Variants in PPM1A observed in about 807,000 individuals in gnomAD.
PPM1A encodes protein phosphatase 1A.
Under a neutral mutation model 35.0 loss-of-function variants are expected in PPM1A, and 7 were observed. The observed-to-expected ratio is 0.20, with a 90% CI of 0.11 to 0.38. The LOEUF is 0.38. Among genes scored for constraint, PPM1A ranks in the 10% least tolerant of loss-of-function variants. The probability of loss-of-function intolerance (pLI) is 1.00; values close to 1 mark genes in which losing one functional copy is unlikely to be tolerated. For missense variants in PPM1A, 239 were observed against 467.8 expected, an observed-to-expected ratio of 0.51 and a Z score of 4.51; for synonymous variants, 153 against 167.3, an observed-to-expected ratio of 0.91 and a Z score of 0.66.
At chr14:60,248,399 T>C (rs962868192), upstream of PPM1A, among the ~76,000 whole-genome samples, 2 of 152,196 alleles carry the variant, frequency 1.3e-5, no homozygotes, top group African/African-American at 4.8e-5. Context: ...ATAAATACAA[T>C]GTGGAATCCC....
rs548322583 is a variant in PPM1A, at chr14:60,268,442, A to G, written c.-20-14242A>G. Reference sequence around the variant, plus strand: ...ATAAAATTCTATTTGTGAGGTGAGTATAGCCTGTTTGGCTTCTAATTTTAA... The same window carrying G: ...ATAAAATTCTATTTGTGAGGTGAGTGTAGCCTGTTTGGCTTCTAATTTTAA... On this transcript the variant is annotated intron_variant, in intron 1 of 5. Coordinates refer to ENST00000395076, the MANE Select transcript of PPM1A (RefSeq NM_021003.5). 1.7e-5 allele frequency: 16 copies of G among 954,214 alleles called. No homozygotes were observed. In the South Asian group the frequency reaches 2.4e-4, roughly 14 times the overall value. The allele number at this position is 954,214 out of a possible 1,614,324, so 59.1% of individuals were successfully genotyped here.
chr14:60,290,833 T>A (rs1887562411), intron 4 of PPM1A, among the ~76,000 whole-genome samples: 1 of 152,132 alleles, frequency 6.6e-6, no homozygotes, highest in Non-Finnish European at 1.5e-5. Context: ...TTGCTTCAAG[T>A]CAATTTTGGA....
chr14:60,255,871 TA>T (rs1377129156), intron 1 of PPM1A, among the ~76,000 whole-genome samples: 1 of 152,352 alleles, frequency 6.6e-6, no homozygotes, highest in African/African-American at 2.4e-5. Flanking sequence ...CTTTGAGGGT[TA>T]ACAGGACATT....
intron 4 of PPM1A, among the ~76,000 whole-genome samples, chr14:60,290,266 A>C (rs1267725795): frequency 6.6e-6 from 1 of 152,166 alleles, no homozygotes; most frequent in Non-Finnish European, 1.5e-5. Context: ...TAGTAGTATA[A>C]TTTGATTTGG....
At position 60,292,645 on chromosome 14, in the gene PPM1A, A is replaced by C; in HGVS notation, c.*163A>C. 2.3e-6 allele frequency: 1 copy of C among 440,434 alleles called. No homozygotes were observed. Among genetic ancestry groups the C allele is most frequent in the Non-Finnish European group, 3.9e-6 (1 of 259,132 alleles). 27.3% of individuals were successfully genotyped at this position (440,434 alleles called of 1,614,324 possible). ...TCAGCAGTACAACAGCTAGCCCAGAACTGATTTTTTTTTTTTTTTTTGTAA... is the reference window on the plus strand; with the variant it reads ...TCAGCAGTACAACAGCTAGCCCAGACCTGATTTTTTTTTTTTTTTTTGTAA... On this transcript the variant is annotated 3_prime_UTR_variant, in exon 6 of 6. Transcript: ENST00000395076. This position sits in a 1 kb window ranked among gnomAD's most constrained non-coding sequence, Gnocchi z 4.2.
intron 1 of PPM1A, among the ~76,000 whole-genome samples, chr14:60,256,380 C>T (rs1415636315): frequency 6.6e-6 from 1 of 152,032 alleles, no homozygotes; most frequent in African/African-American, 2.4e-5. Flanking sequence ...TTGCAGTGAG[C>T]CAAGATTGCA....
intron 1 of PPM1A, among the ~76,000 whole-genome samples, chr14:60,260,216 T>A (rs1185439751): frequency 2.6e-5 from 4 of 152,094 alleles, no homozygotes; most frequent in Admixed American, 2.0e-4. Context: ...AATTTTGTAT[T>A]GTCTTAATTT....
chr14:60,255,172 TTGTTTTGTTTTG>T (rs1202509901), intron 1 of PPM1A, among the ~76,000 whole-genome samples: 2 of 72,178 alleles, frequency 2.8e-5, no homozygotes, highest in Non-Finnish European at 5.0e-5. Flanking sequence ...TTTTTTTTTT[TTGTTTTGTTTTG>T]TTTTTGAGAC....
At chr14:60,291,731 G>C (rs1358917283) in intron 5 of PPM1A, among the ~76,000 whole-genome samples, 1 of 150,348 alleles carries the variant, frequency 6.7e-6, no homozygotes, top group Non-Finnish European at 1.5e-5. Flanking sequence ...AACTTCAGAA[G>C]GTTTGCCTCC....
chr14:60,265,337 G>A (rs17097256), intron 1 of PPM1A, among the ~76,000 whole-genome samples: 1,941 of 152,248 alleles, frequency 0.013, 47 homozygotes, highest in African/African-American at 0.045. Flanking sequence ...TTCAAGCAGT[G>A]AGCCTGAGTT....
At position 60,287,108 on chromosome 14, in the gene PPM1A, AAAG is replaced by A. The variant is rs1034489267; in HGVS notation, c.952+1371_952+1373del. 3.2e-6 allele frequency: 3 copies of A among 946,994 alleles called. No homozygotes were observed. In the African/African-American group the frequency reaches 5.3e-5, roughly 17 times the overall value. The allele number at this position is 946,994 out of a possible 1,614,324, so 58.7% of individuals were successfully genotyped here. A position where few individuals can be genotyped will look rare whatever the true frequency, so the allele number is the denominator to read the frequency against. On this transcript the variant is annotated intron_variant, in intron 3 of 5. Transcript: ENST00000395076. ...GGCAGACATGTTTTCTTATTGGTTT[AAAG>A]AAGTAATAAGTATTTTAATATTTTT... is the stretch of plus-strand genomic sequence containing the variant.
chr14:60,268,152 A>G lies in PPM1A; in HGVS notation c.-20-14532A>G, dbSNP rs559583750. On this transcript the variant is annotated intron_variant, in intron 1 of 5. Coordinates refer to ENST00000395076, the MANE Select transcript of PPM1A (RefSeq NM_021003.5). ...TTTGCCTTCATCCAAGCCAGTCCAT[A>G]ATCACATATTACAGTTTGTTGTGAC... 5.8e-5 allele frequency: 15 copies of G among 257,408 alleles called. No homozygotes were observed. In the South Asian group the frequency reaches 1.4e-3, roughly 25 times the overall value. The allele number at this position is 257,408 out of a possible 1,614,324, so 15.9% of individuals were successfully genotyped here.
intron 1 of PPM1A, chr14:60,268,576 GTA>G (rs1283248397): frequency 4.4e-6 from 1 of 224,982 alleles, no homozygotes. Context: ...ATTTTATTTT[GTA>G]TGTGTGTGTG....
At chr14:60,268,047 T>A (rs574708508) in intron 1 of PPM1A, among the ~76,000 whole-genome samples, 6 of 152,248 alleles carry the variant, frequency 3.9e-5, no homozygotes, top group Admixed American at 3.3e-4. Flanking sequence ...TATTATCTAA[T>A]ATACAATCCA....
chr14:60,245,830 G>A (rs1164679387), upstream of PPM1A: 1 of 1,562,680 alleles, frequency 6.4e-7, no homozygotes, highest in Non-Finnish European at 8.7e-7. The surrounding 1 kb of genome is among the most constrained non-coding windows in gnomAD (Gnocchi z 4.2). Context: ...AATTCATTTA[G>A]GGGCACTGTC....
At chr14:60,249,020 T>C (rs1881985717), upstream of PPM1A, among the ~76,000 whole-genome samples, 1 of 151,814 alleles carries the variant, frequency 6.6e-6, no homozygotes, top group Non-Finnish European at 1.5e-5. The surrounding 1 kb of genome is among the most constrained non-coding windows in gnomAD (Gnocchi z 4.5). Flanking sequence ...AGAAAGAAGC[T>C]GGGTAAGGCA....
chr14:60,286,000 T>C, intron 3 of PPM1A: 1 of 1,100,742 alleles, frequency 9.1e-7, no homozygotes, highest in Non-Finnish European at 1.1e-6. Context: ...GCTAAAATGT[T>C]TGTGTGCTTT....
In PPM1A at chr14:60,292,649, A is replaced by ATTTTTTTTT. The variant is rs201235752; in HGVS notation, c.*176_*184dup. The ATTTTTTTTT allele has an allele frequency of 3.1e-6, 1 of 324,130 alleles. No homozygotes were observed. The allele number at this position is 324,130 out of a possible 1,614,324, so 20.1% of individuals were successfully genotyped here. A position where few individuals can be genotyped will look rare whatever the true frequency, so the allele number is the denominator to read the frequency against. ...CAGTACAACAGCTAGCCCAGAACTG[A>ATTTTTTTTT]TTTTTTTTTTTTTTTTTGTAAATTT... On this transcript the variant is annotated 3_prime_UTR_variant, in exon 6 of 6. Coordinates refer to ENST00000395076, the MANE Select transcript of PPM1A (RefSeq NM_021003.5). The surrounding 1 kb of genome is among the most constrained non-coding windows in gnomAD (Gnocchi z 4.2).
Position 60,249,438 on chromosome 14 carries a change from G to A in PPM1A, c.-260G>A, listed in dbSNP as rs1316712777. On this transcript the variant is annotated 5_prime_UTR_variant, in exon 1 of 6. Coordinates refer to ENST00000395076, the MANE Select transcript of PPM1A (RefSeq NM_021003.5). The surrounding 1 kb of genome is among the most constrained non-coding windows in gnomAD (Gnocchi z 4.5). ...TCTTCCTCCTCCTTCTCCGGGACCC[G>A]CTCTCTGCCTCCCTCTCCAACGCCC... 11 of 984,838 alleles carry A rather than the reference G, an allele frequency of 1.1e-5. No individual in the cohort carries two copies. The highest frequency in any genetic ancestry group is 1.3e-5 in the Non-Finnish European group (11 of 830,086). 61.0% of individuals were successfully genotyped at this position (984,838 alleles called of 1,614,324 possible).
Sources: gnomAD v4.1 joint callset for allele counts (sites outside exome capture counted in the v4.1 genomes callset) on GRCh38, gnomAD v4.1.1 for gene constraint, Gnocchi (gnomAD v3.1) non-coding constraint, MANE v1.5 for transcripts, NCBI Gene and HGNC (gene_info 2026-07-23, HGNC 2026-07-21) for gene names.